MMP8: variants seen among roughly 807,000 people sequenced by gnomAD.
MMP8 encodes the protein neutrophil collagenase.
A neutral mutation model predicts 51.2 loss-of-function variants in MMP8; 67 were observed. The observed-to-expected ratio is 1.31, with a 90% CI of 1.08 to 1.60. The LOEUF is 1.60. Ranked by LOEUF, MMP8 falls within the 40% of genes most tolerant of loss-of-function variation. The probability of loss-of-function intolerance (pLI) is 0.00; values close to 1 mark genes in which losing one functional copy is unlikely to be tolerated. For missense variants in MMP8, 654 were observed against 558.1 expected, an observed-to-expected ratio of 1.17 and a Z score of -1.73; for synonymous variants, 225 against 191.0, an observed-to-expected ratio of 1.18 and a Z score of -1.47.
At chr11:102,722,379 C>A in intron 2 of MMP8, 50 bp downstream of exon 2, 2 of 1,586,746 alleles carry the variant, frequency 1.3e-6, no homozygotes, top group African/African-American at 1.4e-5. Flanking sequence ...ATATAAGAGC[C>A]CAGTCCATAC....
At chr11:102,717,115 C>T (rs1861321209) in intron 5 of MMP8, among the ~76,000 whole-genome samples, 1 of 152,118 alleles carries the variant, frequency 6.6e-6, no homozygotes. Context: ...CAGAAAAGGG[C>T]TTTCCCCAAT....
At chr11:102,718,220 C>CT (rs1481343413) in intron 5 of MMP8, among the ~76,000 whole-genome samples, 194 bp downstream of exon 5, 4 of 152,122 alleles carry the variant, frequency 2.6e-5, no homozygotes, top group Admixed American at 6.5e-5. Flanking sequence ...TCTTCTTAAA[C>CT]TTTTTTTCTT....
At chr11:102,723,975 G>A (rs899184710) in intron 1 of MMP8, 3 of 280,320 alleles carry the variant, frequency 1.1e-5, no homozygotes, top group Non-Finnish European at 2.3e-5. Flanking sequence ...GCTCCAATAA[G>A]GTTCTTGTGA....
chr11:102,722,702 T>C, intron 1 of MMP8, 29 bp from the exon 2 acceptor site: 1 of 1,609,120 alleles, frequency 6.2e-7, no homozygotes, highest in Middle Eastern at 1.7e-4. Context: ...ATAGGGGTCT[T>C]GCTGTGAAAG....
rs2155052 is a variant in MMP8 at position 102,724,935 on chromosome 11, C to G, written c.-80G>C. 1,377,081 of 1,500,246 alleles carry G rather than the reference C, an allele frequency of 0.92. 632,405 individuals are homozygous for G. The highest frequency in any genetic ancestry group is 1 in the East Asian group (42,616 of 42,626). The allele number at this position is 1,500,246 out of a possible 1,614,324, so 92.9% of individuals were successfully genotyped here. ...GGCCCTTCCCTGGCGAGCACCCTGA[C>G]GTTCACAGCATCATGTGTCACTCAC... On this transcript the variant is annotated 5_prime_UTR_variant, in exon 1 of 10. Coordinates refer to ENST00000236826, the MANE Select transcript of MMP8 (RefSeq NM_002424.3).
At chr11:102,717,233 T>G (rs1861325044) in intron 5 of MMP8, among the ~76,000 whole-genome samples, 1 of 152,194 alleles carries the variant, frequency 6.6e-6, no homozygotes, top group Non-Finnish European at 1.5e-5. Flanking sequence ...TGGTTTCTTG[T>G]TTTTATTCAC....
In MMP8 at chr11:102,713,847, G is replaced by T; in HGVS notation, c.1201C>A (p.Gln401Lys). 1.2e-6 allele frequency: 2 copies of T among 1,607,100 alleles called. No individual in the cohort carries two copies. Among genetic ancestry groups the T allele is most frequent in the Non-Finnish European group, 1.7e-6 (2 of 1,177,134 alleles). The part of the protein sequence containing the change: ...VNDQFWRYDN[Q>K]RQFMEPGYPK... ...TAACCTGGCTCCATGAATTGTCTTT[G>T]GTTATCATATCTGGTAAAAACAAAA... Residue 401 changes from glutamine (Q) to lysine (K), a missense_variant, in exon 9 of 10, where the codon CAA becomes AAA. Transcript: ENST00000236826.
intron 7 of MMP8, 39 bp downstream of exon 7, chr11:102,715,265 A>G: frequency 6.3e-7 from 1 of 1,581,954 alleles, no homozygotes; most frequent in Non-Finnish European, 8.6e-7. Context: ...CCCTCCCTTC[A>G]GGCAGAACTA....
At chr11:102,718,042 G>A (rs1861351292) in intron 5 of MMP8, among the ~76,000 whole-genome samples, 1 of 152,156 alleles carries the variant, frequency 6.6e-6, no homozygotes, top group East Asian at 1.9e-4. Flanking sequence ...GGGAGGCAGA[G>A]GTTGCAGTGA....
chr11:102,723,462 G>C (rs575861065), intron 1 of MMP8: 1 of 450,454 alleles, frequency 2.2e-6, no homozygotes, highest in Admixed American at 2.4e-5. Context: ...TACATAAAAG[G>C]GGCTGATTTT....
Position 102,718,409 on chromosome 11 carries a change from C to G in MMP8, c.784+5G>C, listed in dbSNP as rs748683623. On this transcript the variant is annotated splice_donor_5th_base_variant and intron_variant, in intron 5 of 9. Transcript: ENST00000236826. Reference sequence around the variant, plus strand: ...TGTACTATGACTCTCTTGAGAAGACCTTACCATAGATGGCCTGAATGCCAT... The same window carrying G: ...TGTACTATGACTCTCTTGAGAAGACGTTACCATAGATGGCCTGAATGCCAT... 81 of 1,607,914 alleles carry G rather than the reference C, an allele frequency of 5.0e-5. No individual in the cohort carries two copies. Among genetic ancestry groups the G allele is most frequent in the Non-Finnish European group, 6.6e-5 (78 of 1,176,930 alleles).
Position 102,716,365 on chromosome 11 carries a change from T to C in MMP8, c.839A>G (p.Asp280Gly). Residue 280 changes from aspartate to glycine, a missense_variant, in exon 6 of 10, where the codon GAC becomes GGC. By Grantham distance (94) the Asp-to-Gly change is moderately conservative (BLOSUM62 -1). Coordinates refer to ENST00000236826, the MANE Select transcript of MMP8 (RefSeq NM_002424.3). ...PTGPSTPKPC[D>G]PSLTFDAITT... The stretch of plus-strand genomic sequence containing the variant: ...GATAGCATCAAATGTCAAACTGGGG[T>C]CACAGGGTTTGGGTGTGCTTGGTCC... The C allele has an allele frequency of 6.3e-7, 1 of 1,590,180 alleles. No homozygotes were observed. Among genetic ancestry groups the C allele is most frequent in the Non-Finnish European group, 8.5e-7 (1 of 1,169,892 alleles).
Position 102,713,785 on chromosome 11 carries a change from C to G in MMP8, c.1263G>C (p.Glu421Asp). ...GCTGGAAAACTGCATCAACTTTACTCTCTATTCCTGGAAAGGCACCTGATA... is the reference window on the plus strand; with the variant it reads ...GCTGGAAAACTGCATCAACTTTACTGTCTATTCCTGGAAAGGCACCTGATA... ...KSISGAFPGI[E>D]SKVDAVFQQE... The change falls in exon 9 of 10, where the codon GAG becomes GAC. Residue 421 changes from glutamate to aspartate, a missense_variant. Transcript: ENST00000236826. 1 of 1,611,430 alleles carries G rather than the reference C, an allele frequency of 6.2e-7. No homozygotes were observed. Among genetic ancestry groups the G allele is most frequent in the Non-Finnish European group, 8.5e-7 (1 of 1,178,990 alleles).
chr11:102,714,410 A>C, intron 8 of MMP8, 146 bp downstream of exon 8: 1 of 473,406 alleles, frequency 2.1e-6, no homozygotes, highest in East Asian at 4.0e-5. Context: ...TGGTAACATC[A>C]ATCATCCTGT....
intron 5 of MMP8, among the ~76,000 whole-genome samples, chr11:102,716,655 G>A (rs1861307997): frequency 6.6e-6 from 1 of 152,040 alleles, no homozygotes; most frequent in Non-Finnish European, 1.5e-5. Context: ...AAGCTGTGAA[G>A]TAAAGAAATT....
chr11:102,713,657 G>C (rs1861191279), intron 9 of MMP8, 97 bp downstream of exon 9: 15 of 1,151,214 alleles, frequency 1.3e-5, no homozygotes, highest in Non-Finnish European at 1.9e-5. Flanking sequence ...CTTGAGGCCA[G>C]GAGTTTGACA....
At chr11:102,724,152 G>A (rs1861551358) in intron 1 of MMP8, among the ~76,000 whole-genome samples, 1 of 152,140 alleles carries the variant, frequency 6.6e-6, no homozygotes, top group Admixed American at 6.5e-5. Context: ...AGAGATTTGT[G>A]ACAGAATTCC....
Position 102,714,599 on chromosome 11 carries a change from A to G in MMP8, c.1147T>C (p.Tyr383His). Residue 383 changes from tyrosine (Y) to histidine (H), a missense_variant, in exon 8 of 10, where the codon TAC becomes CAC. Tyr to His is a moderately conservative substitution (Grantham distance 83). Coordinates refer to ENST00000236826, the MANE Select transcript of MMP8 (RefSeq NM_002424.3). ...ACAAAGAAGTATGTTTTACTTCTGT[A>G]GAAAACAGCTGCGTCAATTGCTTGG... ...SVQAIDAAVF[Y>H]RSKTYFFVND... 1 of 1,520,312 alleles carries G rather than the reference A, an allele frequency of 6.6e-7. No individual in the cohort carries two copies. Among genetic ancestry groups the G allele is most frequent in the Non-Finnish European group, 8.8e-7 (1 of 1,136,684 alleles). The allele number at this position is 1,520,312 out of a possible 1,614,324, so 94.2% of individuals were successfully genotyped here. A position where few individuals can be genotyped will look rare whatever the true frequency, so the allele number is the denominator to read the frequency against.
At chr11:102,715,192 G>A (rs1289460832) in intron 7 of MMP8, 112 bp downstream of exon 7, 1 of 1,332,584 alleles carries the variant, frequency 7.5e-7, no homozygotes, top group African/African-American at 1.5e-5. Flanking sequence ...GCAAAAGCCT[G>A]GCCAGCTTAA....
Sources: allele counts gnomAD v4.1 joint callset (sites outside exome capture counted in the v4.1 genomes callset), GRCh38; gene constraint gnomAD v4.1.1; transcripts MANE v1.5; gene names NCBI Gene and HGNC (gene_info 2026-07-23, HGNC 2026-07-21).